Variants in DHX58 observed in about 807,000 individuals in gnomAD.
DHX58 encodes ATP-dependent RNA helicase DHX58.
A neutral mutation model predicts 65.0 loss-of-function variants in DHX58; 51 were observed. That is an observed-to-expected ratio of 0.78 (90% CI 0.63 to 0.99). The LOEUF (loss-of-function observed/expected upper bound fraction) is 0.99, where lower values mean the gene tolerates loss of function less well. Among genes scored for constraint, DHX58 ranks in the 50% least tolerant of loss-of-function variants. The probability of loss-of-function intolerance (pLI) is 0.00; values close to 1 mark genes in which losing one functional copy is unlikely to be tolerated. For synonymous variants in DHX58, 350 were observed against 365.0 expected (o/e 0.96, Z 0.47); for missense variants, 773 against 891.8 (o/e 0.87, Z 1.70).
In DHX58 at chr17:42,103,667, A is replaced by C; in HGVS notation, c.1695T>G (p.His565Gln). The change falls in exon 12 of 14, where the codon CAT becomes CAG. Residue 565 changes from histidine (H) to glutamine (Q), a missense_variant. By Grantham distance (24) the His-to-Gln change is conservative. Transcript: ENST00000251642. ...LCINCMVAVG[H>Q]GSDLRKVEGT... ...CCTCCACCTTCCGCAGGTCGCTGCC[A>C]TGGCCCACAGCCACCATGCAGTTGA... 1 of 1,614,034 alleles carries C rather than the reference A, an allele frequency of 6.2e-7. No individual in the cohort carries two copies.
In DHX58 at chr17:42,109,308, G is replaced by T. The variant is rs782341122; in HGVS notation, c.640C>A (p.Pro214Thr). The T allele has an allele frequency of 1.2e-6, 2 of 1,613,886 alleles. No homozygotes were observed. Among genetic ancestry groups the T allele is most frequent in the Non-Finnish European group, 8.5e-7 (1 of 1,179,900 alleles). ...CPQLQEHSQQ[P>T]CKQYNLCHRR... ...TGGCAGAGGTTGTACTGTTTGCAAGGCTGTTGGCTGTGCTCCTGCAGCTGG... is the reference window on the plus strand; with the variant it reads ...TGGCAGAGGTTGTACTGTTTGCAAGTCTGTTGGCTGTGCTCCTGCAGCTGG... The change falls in exon 6 of 14, where the codon CCT (proline) becomes ACT (threonine). Residue 214 changes from proline to threonine, a missense_variant. By Grantham distance (38) the Pro-to-Thr change is conservative (BLOSUM62 -1). Transcript: ENST00000251642.
At chr17:42,103,908 T>C in intron 11 of DHX58, 110 bp from the exon 12 acceptor site, 3 of 1,196,426 alleles carry the variant, frequency 2.5e-6, no homozygotes, top group Non-Finnish European at 3.4e-6. Context: ...AGACTTTCCT[T>C]AACCCTCCCT....
rs201544258 is a variant in DHX58, at chr17:42,107,391, T to A, written c.997+213A>T. Among the ~76,000 whole-genome samples, 21 of 148,946 alleles carry A rather than the reference T, an allele frequency of 1.4e-4. No homozygotes were observed. The East Asian group carries it at 3.9e-3, about 28-fold the overall frequency. ...TTAAAAAAAAAAAAAAAGTCAACAA[T>A]GTTAATTAATTTTAACAACTAAGCA... On this transcript the variant is annotated intron_variant, in intron 8 of 13. Coordinates refer to ENST00000251642, the MANE Select transcript of DHX58 (RefSeq NM_024119.3).
In DHX58 at chr17:42,109,376, T is replaced by G. The variant is rs782511717; in HGVS notation, c.572A>C (p.Asn191Thr). 3 of 1,613,294 alleles carry G rather than the reference T, an allele frequency of 1.9e-6. No homozygotes were observed. The highest frequency in any genetic ancestry group is 4.5e-5 in the East Asian group (2 of 44,894). ...TGACATGATGCACCACGTGTCCAAG[T>G]TGGCACAGAGCTGGGGGCAACAGAG... ...AINHVLQLCANLDTWCIMSPQ... is the reference protein window; with the variant it reads ...AINHVLQLCATLDTWCIMSPQ... The change falls in exon 6 of 14, where the codon AAC becomes ACC. Residue 191 changes from asparagine to threonine, a missense_variant. Asn to Thr is a moderately conservative substitution (Grantham distance 65, BLOSUM62 0). Coordinates refer to ENST00000251642, the MANE Select transcript of DHX58 (RefSeq NM_024119.3).
Position 42,105,175 on chromosome 17 carries a change from C to T in DHX58, c.1252-8G>A, listed in dbSNP as rs948926765. On this transcript the variant is annotated splice_polypyrimidine_tract_variant and splice_region_variant and intron_variant, in intron 9 of 13. Coordinates refer to ENST00000251642, the MANE Select transcript of DHX58 (RefSeq NM_024119.3). ...CACTTCTTGCTGGTCCCTCTGCAGG[C>T]GGAGGGCAGGGAGGAGAAAGAGGCT... 5 of 1,604,766 alleles carry T rather than the reference C, an allele frequency of 3.1e-6. No homozygotes were observed. The East Asian group carries it at 6.7e-5, about 22-fold the overall frequency.
chr17:42,111,005 C>A, intron 4 of DHX58, 92 bp from the exon 5 acceptor site: 1 of 1,393,698 alleles, frequency 7.2e-7, no homozygotes, highest in South Asian at 1.4e-5. Context: ...TGTAAGAATT[C>A]CTTCTTCCCT....
At chr17:42,104,692 G>A in intron 11 of DHX58, 74 bp downstream of exon 11, 2 of 1,568,292 alleles carry the variant, frequency 1.3e-6, no homozygotes, top group South Asian at 1.2e-5. Flanking sequence ...ACGTATGTGT[G>A]CAGTCAGAAA....
Position 42,111,286 on chromosome 17 carries a change from T to G in DHX58, c.370+10A>C. 6.2e-7 allele frequency: 1 copy of G among 1,607,058 alleles called. No homozygotes were observed. Among genetic ancestry groups the G allele is most frequent in the Non-Finnish European group, 8.5e-7 (1 of 1,174,224 alleles). ...ATGCGTATCTTTTTCCTCCCGGCCA[T>G]GGCCCTCACCAGTGAGCTCCACGTG... On this transcript the variant is annotated intron_variant, in intron 4 of 13. Transcript: ENST00000251642.
chr17:42,107,444 C>T (rs1039883740), intron 8 of DHX58, among the ~76,000 whole-genome samples, 160 bp downstream of exon 8: 1 of 151,800 alleles, frequency 6.6e-6, no homozygotes, highest in African/African-American at 2.4e-5. Context: ...GGAAATAAAT[C>T]AGTCCTACCC....
chr17:42,106,072 T>A, intron 8 of DHX58, 83 bp from the exon 9 acceptor site: 3 of 1,481,366 alleles, frequency 2.0e-6, no homozygotes, highest in Non-Finnish European at 1.8e-6. Context: ...GGCAGAAGGA[T>A]CGCTTAAGCC....
At chr17:42,112,565 A>AGGG (rs2054176048) in intron 1 of DHX58, 40 bp downstream of exon 1, 1 of 22,874 alleles carries the variant, frequency 4.4e-5, no homozygotes, top group African/African-American at 2.4e-4. Context: ...TGTGGCCAAA[A>AGGG]GGTGGGGGTG....
chr17:42,112,095 GC>G lies in DHX58; in HGVS notation c.-2+17del. 1 of 618,354 alleles carries G rather than the reference GC, an allele frequency of 1.6e-6. No homozygotes were observed. The highest frequency in any genetic ancestry group is 2.7e-6 in the Non-Finnish European group (1 of 373,924). 38.3% of individuals were successfully genotyped at this position (618,354 alleles called of 1,614,324 possible). A position where few individuals can be genotyped will look rare whatever the true frequency, so the allele number is the denominator to read the frequency against. The stretch of plus-strand genomic sequence containing the variant: ...GTAACACAGGCTACACCTGCCCCCT[GC>G]CCAGCCCAGGACTCACCTGCTCTAG... On this transcript the variant is annotated intron_variant, in intron 2 of 13. Coordinates refer to ENST00000251642, the MANE Select transcript of DHX58 (RefSeq NM_024119.3).
In DHX58 at chr17:42,103,752, G is replaced by T. The variant is rs782736676; in HGVS notation, c.1610C>A (p.Ala537Glu). 6.2e-7 allele frequency: 1 copy of T among 1,612,054 alleles called. No individual in the cohort carries two copies. Among genetic ancestry groups the T allele is most frequent in the South Asian group, 1.1e-5 (1 of 91,052 alleles). The stretch of plus-strand genomic sequence containing the variant: ...CTGCCGCTGGTTCTCCCGCTGGGCT[G>T]CCTGGGCCGCCCGCTTGGTCAAGGC... ...QAALTKRAAQ[A>E]AQRENQRQQF... Residue 537 changes from alanine to glutamate, a missense_variant, in exon 12 of 14, where the codon GCA becomes GAA. Coordinates refer to ENST00000251642, the MANE Select transcript of DHX58 (RefSeq NM_024119.3).
intron 12 of DHX58, 68 bp downstream of exon 12, chr17:42,103,540 T>C: frequency 6.3e-7 from 1 of 1,576,678 alleles, no homozygotes; most frequent in East Asian, 2.3e-5. Context: ...TCCCAAAGCT[T>C]CAAAGCACTG....
Position 42,105,952 on chromosome 17 carries a change from G to C in DHX58, c.1035C>G (p.Gly345=), listed in dbSNP as rs1213578384. Residue 345 remains glycine (G), a synonymous_variant, in exon 9 of 14, where the codon GGC becomes GGG. Coordinates refer to ENST00000251642, the MANE Select transcript of DHX58 (RefSeq NM_024119.3). ...KNELAHLATH[G]PENPKLEMLE... is the part of the protein sequence containing the mutation. ...GCATCTCCAGTTTTGGATTCTCTGG[G>C]CCATGAGTTGCCAAGTGGGCCAGCT... is the stretch of plus-strand genomic sequence containing the variant. 6.2e-7 allele frequency: 1 copy of C among 1,613,544 alleles called. No homozygotes were observed. The highest frequency in any genetic ancestry group is 8.5e-7 in the Non-Finnish European group (1 of 1,179,954).
Position 42,108,084 on chromosome 17 carries a change from T to G in DHX58, c.703A>C (p.Lys235Gln), listed in dbSNP as rs2054093090. The change falls in exon 7 of 14, where the codon AAG becomes CAG. Residue 235 changes from lysine (K) to glutamine (Q), a missense_variant. By Grantham distance (53) the Lys-to-Gln change is moderately conservative (BLOSUM62 1). Transcript: ENST00000251642. Reference protein sequence around the residue: ...SQDPFGDLLKKLMDQIHDHLE... With the variant: ...SQDPFGDLLKQLMDQIHDHLE... ...TGGTCATGGATTTGGTCCATGAGCT[T>G]CTTCAGCAAGTCCCCAAACGGATCC... 3.7e-6 allele frequency: 6 copies of G among 1,614,232 alleles called. No individual in the cohort carries two copies. Among genetic ancestry groups the G allele is most frequent in the Non-Finnish European group, 4.2e-6 (5 of 1,180,044 alleles).
intron 5 of DHX58, among the ~76,000 whole-genome samples, chr17:42,109,878 G>A (rs2054122035): frequency 7.3e-6 from 1 of 137,532 alleles, no homozygotes; most frequent in Admixed American, 7.4e-5. Flanking sequence ...CTGGGTAACA[G>A]AGACTCCGTC....
At chr17:42,110,169 AGAGT>A (rs1482359191) in intron 5 of DHX58, among the ~76,000 whole-genome samples, 3 of 145,386 alleles carry the variant, frequency 2.1e-5, no homozygotes, top group Non-Finnish European at 3.0e-5. Flanking sequence ...CCTGGGCGAC[AGAGT>A]GAGACTCCAT....
chr17:42,111,035 C>G, intron 4 of DHX58, 122 bp from the exon 5 acceptor site: 1 of 1,218,396 alleles, frequency 8.2e-7, no homozygotes. Context: ...GCAGCTGGTC[C>G]CAGGATGAGG....
Sources: allele counts gnomAD v4.1 joint callset (sites outside exome capture counted in the v4.1 genomes callset), GRCh38; gene constraint gnomAD v4.1.1; transcripts MANE v1.5; gene names NCBI Gene and HGNC (gene_info 2026-07-23, HGNC 2026-07-21).